Variants in MGAT4C observed in about 807,000 individuals in gnomAD.
MGAT4C encodes alpha-1,3-mannosyl-glycoprotein 4-beta-N-acetylglucosaminyltransferase C.
Under a neutral mutation model 40.1 loss-of-function variants are expected in MGAT4C, and 19 were observed. That is an observed-to-expected ratio of 0.47 (90% CI 0.33 to 0.70). MGAT4C has a LOEUF of 0.70. Among genes scored for constraint, MGAT4C ranks in the 30% least tolerant of loss-of-function variants. The pLI, the probability that MGAT4C is intolerant of heterozygous loss-of-function variation, is 0.02. For synonymous variants in MGAT4C, 181 were observed against 187.1 expected, an observed-to-expected ratio of 0.97 and a Z score of 0.27; for missense variants, 491 against 563.2, an observed-to-expected ratio of 0.87 and a Z score of 1.30.
intron 3 of MGAT4C, among the ~76,000 whole-genome samples, chr12:86,363,398 G>T (rs1371186674): frequency 6.6e-6 from 1 of 152,032 alleles, no homozygotes; most frequent in African/African-American, 2.4e-5. Flanking sequence ...GGACAAATTA[G>T]CATCTATTTT....
chr12:86,666,046 T>C (rs1964096788), intron 2 of MGAT4C, among the ~76,000 whole-genome samples: 2 of 152,194 alleles, frequency 1.3e-5, no homozygotes, highest in African/African-American at 4.8e-5. Context: ...CCTTTTTCAC[T>C]TGGCCAATGA....
chr12:86,355,753 TA>T (rs971500818), intron 3 of MGAT4C, among the ~76,000 whole-genome samples: 1 of 152,050 alleles, frequency 6.6e-6, no homozygotes, highest in African/African-American at 2.4e-5. Flanking sequence ...AAATAAATAG[TA>T]AAAAAATTTT....
At chr12:86,240,752 A>C (rs1028631662) in intron 1 of MGAT4C, among the ~76,000 whole-genome samples, 1 of 152,070 alleles carries the variant, frequency 6.6e-6, no homozygotes, top group Non-Finnish European at 1.5e-5. Context: ...TAACTCTTTC[A>C]TCTTATATTA....
At position 86,426,819 on chromosome 12, in the gene MGAT4C, C is replaced by T. The variant is rs1055267963; in HGVS notation, c.-120+8338G>A. ...AAAATTAGCCAGGTGTGGTGGCGGG[C>T]GCCTGTAGTCCCAGCCACTCGGGAG... On this transcript the variant is annotated intron_variant, in intron 3 of 7. Coordinates refer to the MGAT4C transcript ENST00000548651. Among the ~76,000 whole-genome samples, 29 of 152,130 alleles carry T rather than the reference C, an allele frequency of 1.9e-4. 1 individual carries two copies. The South Asian group carries it at 3.9e-3, about 21-fold the overall frequency.
intron 1 of MGAT4C, among the ~76,000 whole-genome samples, chr12:86,831,208 C>T (rs191514793): frequency 6.6e-6 from 1 of 151,642 alleles, no homozygotes; most frequent in East Asian, 2.0e-4. Flanking sequence ...CTTGAATATT[C>T]CCAACCTTGA....
chr12:86,744,170 G>C (rs1951116426), intron 1 of MGAT4C, among the ~76,000 whole-genome samples: 1 of 151,512 alleles, frequency 6.6e-6, no homozygotes, highest in East Asian at 1.9e-4. Flanking sequence ...AAATTTGGTA[G>C]AGAAACTCAG....
chr12:86,018,361 C>G (rs1204440075), intron 2 of MGAT4C, among the ~76,000 whole-genome samples: 1 of 152,154 alleles, frequency 6.6e-6, no homozygotes, highest in Non-Finnish European at 1.5e-5. Context: ...AACACTTAAC[C>G]TCACGTCAGG....
intron 1 of MGAT4C, among the ~76,000 whole-genome samples, chr12:86,103,525 G>A (rs1875514801): frequency 6.6e-6 from 1 of 152,100 alleles, no homozygotes; most frequent in Non-Finnish European, 1.5e-5. Flanking sequence ...GCCTCTGTAG[G>A]GAGTGCCACC....
At chr12:86,462,709 A>C (rs1165553340) in intron 2 of MGAT4C, among the ~76,000 whole-genome samples, 1 of 152,190 alleles carries the variant, frequency 6.6e-6, no homozygotes, top group Non-Finnish European at 1.5e-5. Flanking sequence ...CACTAGTGTA[A>C]GTCCAAGAAT....
intron 3 of MGAT4C, among the ~76,000 whole-genome samples, chr12:85,988,894 G>T (rs558947580): frequency 6.6e-6 from 1 of 152,028 alleles, no homozygotes; most frequent in African/African-American, 2.4e-5. Context: ...ATAAAACAGA[G>T]TGGCCATCTA....
intron 1 of MGAT4C, among the ~76,000 whole-genome samples, chr12:86,220,836 GTAA>G (rs1471079266): frequency 2.0e-5 from 3 of 152,138 alleles, no homozygotes; most frequent in Non-Finnish European, 4.4e-5. Flanking sequence ...TTGCCAGCAG[GTAA>G]TAAATAACTC....
chr12:85,969,854 T>A lies in MGAT4C; in HGVS notation c.*9435A>T, dbSNP rs1883535875. On this transcript the variant is annotated 3_prime_UTR_variant, in exon 5 of 5. Coordinates refer to ENST00000611864, the MANE Select transcript of MGAT4C (RefSeq NM_001351288.2). ...TTTTTCATATGCTCTTTAGCTTTTTTAATACCTCTTACCTTATATGGTTGT... is the reference window on the plus strand; with the variant it reads ...TTTTTCATATGCTCTTTAGCTTTTTAAATACCTCTTACCTTATATGGTTGT... The A allele has an allele frequency of 6.6e-6, 1 of 151,468 alleles. No homozygotes were observed. The highest frequency in any genetic ancestry group is 2.1e-4 in the South Asian group (1 of 4,832). 9.4% of individuals were successfully genotyped at this position (151,468 alleles called of 1,614,324 possible).
chr12:86,375,472 A>AT (rs557375423), intron 3 of MGAT4C, among the ~76,000 whole-genome samples: 28 of 151,070 alleles, frequency 1.9e-4, no homozygotes, highest in South Asian at 4.2e-4. Context: ...TCTAAGGTTT[A>AT]TTTTTTTTTC....
At chr12:86,099,272 T>A (rs1434759359) in intron 1 of MGAT4C, among the ~76,000 whole-genome samples, 1 of 151,422 alleles carries the variant, frequency 6.6e-6, no homozygotes, top group Non-Finnish European at 1.5e-5. Flanking sequence ...TTTTCTTTTT[T>A]CATATAGAAC....
At chr12:86,426,964 A>AAG (rs368757199) in intron 3 of MGAT4C, among the ~76,000 whole-genome samples, 21 of 151,284 alleles carry the variant, frequency 1.4e-4, no homozygotes, top group Middle Eastern at 3.4e-3. Flanking sequence ...GAAAAAGAAG[A>AAG]AGAGAGAGAG....
intron 2 of MGAT4C, among the ~76,000 whole-genome samples, chr12:86,543,686 G>A (rs1959179421): frequency 6.6e-6 from 1 of 152,014 alleles, no homozygotes; most frequent in Non-Finnish European, 1.5e-5. Flanking sequence ...TTTTACCCAA[G>A]AATTATACTT....
At chr12:86,139,739 G>A (rs994829946) in intron 1 of MGAT4C, among the ~76,000 whole-genome samples, 1 of 151,826 alleles carries the variant, frequency 6.6e-6, no homozygotes, top group South Asian at 2.1e-4. Context: ...GAAAAAAAAC[G>A]GTTCTTTGAG....
intron 1 of MGAT4C, among the ~76,000 whole-genome samples, chr12:86,797,081 A>T (rs1298256673): frequency 6.6e-6 from 1 of 151,838 alleles, no homozygotes; most frequent in Non-Finnish European, 1.5e-5. Context: ...TTCCCAATAC[A>T]AGGAGAATTA....
chr12:86,802,125 A>C (rs1409206093), intron 1 of MGAT4C, among the ~76,000 whole-genome samples: 1 of 151,992 alleles, frequency 6.6e-6, no homozygotes, highest in East Asian at 1.9e-4. Flanking sequence ...ACTTATAATT[A>C]GCTTTATACC....
Sources: allele counts gnomAD v4.1 joint callset (sites outside exome capture counted in the v4.1 genomes callset), GRCh38; gene constraint gnomAD v4.1.1; transcripts MANE v1.5; gene names NCBI Gene and HGNC (gene_info 2026-07-23, HGNC 2026-07-21).